Variants in UGT2A2 observed in about 807,000 individuals in gnomAD.
The protein encoded by UGT2A2 is UDP glucuronosyltransferase family 2 member A2.
Under a neutral mutation model 50.7 loss-of-function variants are expected in UGT2A2, and 60 were observed. That is an observed-to-expected ratio of 1.18 (90% CI 0.96 to 1.47). The LOEUF (loss-of-function observed/expected upper bound fraction) is 1.47. UGT2A2 is among the 40% of genes most tolerant of loss of function. UGT2A2 has a pLI of 0.00. For synonymous variants in UGT2A2, 242 were observed against 214.6 expected, an observed-to-expected ratio of 1.13 and a Z score of -1.11; for missense variants, 762 against 634.0, an observed-to-expected ratio of 1.20 and a Z score of -2.17.
chr4:69,595,418 T>C (rs535292528), intron 3 of UGT2A2, among the ~76,000 whole-genome samples, 169 bp from the exon 4 acceptor site: 2 of 152,376 alleles, frequency 1.3e-5, no homozygotes, highest in African/African-American at 4.8e-5. Context: ...TGTACCTTTT[T>C]GTAAAGTCTT....
At chr4:69,615,161 T>A (rs980667637) in intron 1 of UGT2A2, among the ~76,000 whole-genome samples, 1 of 152,000 alleles carries the variant, frequency 6.6e-6, no homozygotes, top group Admixed American at 6.6e-5. Context: ...ACAAACCATA[T>A]CAATCTCTAT....
At chr4:69,592,262 G>A (rs1718635933) in intron 5 of UGT2A2, among the ~76,000 whole-genome samples, 1 of 152,024 alleles carries the variant, frequency 6.6e-6, no homozygotes, top group Admixed American at 6.6e-5. Flanking sequence ...TTCAAGCTTG[G>A]ACTCTACATG....
intron 1 of UGT2A2, among the ~76,000 whole-genome samples, chr4:69,607,707 T>G (rs1475328747): frequency 6.6e-6 from 1 of 152,110 alleles, no homozygotes; most frequent in East Asian, 1.9e-4. Context: ...TACAATGAAC[T>G]CAAACAAATT....
rs767821027 is a variant in UGT2A2, at chr4:69,589,550, T to C, written c.1433A>G (p.Lys478Arg). Reference sequence around the variant, plus strand: ...TGCAACCCGAAGGTGCTTGGCTCCTTTGTGGCGCATGACAAACTCGATCCA... The same window carrying C: ...TGCAACCCGAAGGTGCTTGGCTCCTCTGTGGCGCATGACAAACTCGATCCA... ...VFWIEFVMRHKGAKHLRVAAH... is the reference protein window; with the variant it reads ...VFWIEFVMRHRGAKHLRVAAH... Residue 478 changes from lysine (K) to arginine (R), a missense_variant, in exon 6 of 6, where the codon AAA becomes AGA. Lys to Arg is a conservative substitution (Grantham distance 26). Coordinates refer to ENST00000604629, the MANE Select transcript of UGT2A2 (RefSeq NM_001105677.2). The C allele has an allele frequency of 1.5e-5, 24 of 1,613,944 alleles. No homozygotes were observed. The highest frequency in any genetic ancestry group is 1.9e-5 in the Non-Finnish European group (22 of 1,179,972).
intron 1 of UGT2A2, among the ~76,000 whole-genome samples, chr4:69,622,008 G>A (rs1720783545): frequency 6.6e-6 from 1 of 151,728 alleles, no homozygotes; most frequent in South Asian, 2.1e-4. Flanking sequence ...GCCTACTTGA[G>A]GGTGGATGGT....
At chr4:69,600,227 C>T (rs1460331465) in intron 1 of UGT2A2, among the ~76,000 whole-genome samples, 5 of 152,248 alleles carry the variant, frequency 3.3e-5, no homozygotes, top group Admixed American at 1.3e-4. Context: ...TAACCCTACC[C>T]AGTACTGGAG....
intron 1 of UGT2A2, among the ~76,000 whole-genome samples, chr4:69,619,551 A>T (rs573035752): frequency 1.2e-3 from 182 of 152,150 alleles, no homozygotes; most frequent in African/African-American, 4.2e-3. Flanking sequence ...TGATATACCC[A>T]GAAATAAATC....
intron 1 of UGT2A2, among the ~76,000 whole-genome samples, chr4:69,607,747 C>A (rs1357235553): frequency 6.6e-6 from 1 of 152,052 alleles, no homozygotes; most frequent in Non-Finnish European, 1.5e-5. Context: ...AACCCATCAA[C>A]AAGTGGGTGA....
Position 69,638,961 on chromosome 4 carries a change from A to G in UGT2A2, c.680T>C (p.Leu227Pro), listed in dbSNP as rs1047335597. ...ERIKNTISYS[L>P]QDYIFQSYWG... ...GTAGGACTGAAATATATAGTCTTGC[A>G]GAGAATAAGATATGGTATTTTTAAT... The change falls in exon 1 of 6, where the codon CTG becomes CCG. Residue 227 changes from leucine to proline, a missense_variant. By Grantham distance (98) the Leu-to-Pro change is moderately conservative. Transcript: ENST00000604629. 1 of 1,612,902 alleles carries G rather than the reference A, an allele frequency of 6.2e-7. No individual in the cohort carries two copies. Among genetic ancestry groups the G allele is most frequent in the Non-Finnish European group, 8.5e-7 (1 of 1,179,364 alleles).
At chr4:69,636,556 A>G (rs1721722463) in intron 1 of UGT2A2, among the ~76,000 whole-genome samples, 1 of 152,162 alleles carries the variant, frequency 6.6e-6, no homozygotes, top group Non-Finnish European at 1.5e-5. Context: ...TGAGAAGTTG[A>G]GAACTTGCTG....
intron 1 of UGT2A2, among the ~76,000 whole-genome samples, chr4:69,608,528 A>G (rs1437956276): frequency 6.6e-6 from 1 of 152,030 alleles, no homozygotes; most frequent in African/African-American, 2.4e-5. Flanking sequence ...ACTAACCTGC[A>G]CGTTGTGTAC....
At chr4:69,637,740 G>GT (rs1721791405) in intron 1 of UGT2A2, among the ~76,000 whole-genome samples, 1 of 152,096 alleles carries the variant, frequency 6.6e-6, no homozygotes, top group African/African-American at 2.4e-5. Flanking sequence ...TCATGAGAAT[G>GT]TAAGTTCCAT....
chr4:69,600,208 G>A (rs985862850), intron 1 of UGT2A2, among the ~76,000 whole-genome samples: 5 of 152,168 alleles, frequency 3.3e-5, no homozygotes, highest in African/African-American at 1.2e-4. Flanking sequence ...AGACCACGGG[G>A]AAATGCCTTA....
intron 1 of UGT2A2, among the ~76,000 whole-genome samples, chr4:69,624,488 A>G (rs376125383): frequency 1.5e-4 from 22 of 151,256 alleles, no homozygotes; most frequent in African/African-American, 4.8e-4. Flanking sequence ...TTGAGTTGGG[A>G]TTTATCATTT....
At chr4:69,613,873 T>C (rs1382954564) in intron 1 of UGT2A2, among the ~76,000 whole-genome samples, 1 of 151,938 alleles carries the variant, frequency 6.6e-6, no homozygotes, top group African/African-American at 2.4e-5. Context: ...TAGCATCATA[T>C]TGAATGAGTA....
chr4:69,616,833 C>CTTTTTT (rs4148315), intron 1 of UGT2A2, among the ~76,000 whole-genome samples: 10 of 127,294 alleles, frequency 7.9e-5, no homozygotes, highest in Middle Eastern at 4.0e-3. Flanking sequence ...ATTTTCTTTT[C>CTTTTTT]TTTTTTTTTT....
At position 69,599,284 on chromosome 4, in the gene UGT2A2, CA is replaced by C; in HGVS notation, c.852del (p.Gly285GlufsTer70). The C allele has an allele frequency of 6.2e-7, 1 of 1,613,744 alleles. No homozygotes were observed. The highest frequency in any genetic ancestry group is 8.5e-7 in the Non-Finnish European group (1 of 1,179,882). On this transcript the variant is annotated frameshift_variant, in exon 2 of 6. Transcript: ENST00000604629. LOFTEE classifies it high-confidence loss of function. ...TTGGCAGGTTTGCAGTGCAATCCTC[CA>C]ACAAACTCAAAATTAGGTAAGTATG... is the stretch of plus-strand genomic sequence containing the variant. Reference protein sequence around the residue: ...PRPYLPNFEFVGGLHCKPAKP... With the variant: ...PRPYLPNFEFXGGLHCKPAKP...
intron 1 of UGT2A2, among the ~76,000 whole-genome samples, chr4:69,629,024 T>G (rs1380317860): frequency 2.6e-5 from 4 of 151,984 alleles, no homozygotes; most frequent in South Asian, 4.2e-4. Context: ...ATGGTTATAC[T>G]CTTCTCCTGA....
intron 1 of UGT2A2, among the ~76,000 whole-genome samples, chr4:69,617,233 C>T (rs1348026371): frequency 6.6e-6 from 1 of 151,884 alleles, no homozygotes; most frequent in Non-Finnish European, 1.5e-5. Flanking sequence ...TTAAATCTCA[C>T]TTGAGACTTT....
Sources: gnomAD v4.1 joint callset for allele counts (sites outside exome capture counted in the v4.1 genomes callset) on GRCh38, gnomAD v4.1.1 for gene constraint, MANE v1.5 for transcripts, NCBI Gene and HGNC (gene_info 2026-07-23, HGNC 2026-07-21) for gene names.